The following TOGARAM2 variants were observed in gnomAD, a reference collection of about 807,000 sequenced individuals.
TOGARAM2 encodes TOG array regulator of axonemal microtubules 2.
In TOGARAM2, 85 loss-of-function variants were observed where a neutral mutation model predicts 93.3. That is an observed-to-expected ratio of 0.91 (90% CI 0.76 to 1.09). TOGARAM2 has a LOEUF of 1.09. Ranked by LOEUF, TOGARAM2 falls within the 50% of genes least tolerant of loss-of-function variation. TOGARAM2 has a pLI of 0.00. For missense variants in TOGARAM2, 1,277 were observed against 1,334.5 expected, an observed-to-expected ratio of 0.96 and a Z score of 0.67; for synonymous variants, 593 against 552.8, an observed-to-expected ratio of 1.07 and a Z score of -1.02.
intron 13 of TOGARAM2, among the ~76,000 whole-genome samples, 156 bp downstream of exon 13, chr2:29,024,530 A>C (rs112591017): frequency 0.045 from 6,906 of 152,100 alleles, 525 homozygotes; most frequent in African/African-American, 0.15. Flanking sequence ...ATGCTAGAGG[A>C]CAGGGTGATG....
At chr2:29,011,544 C>T in intron 7 of TOGARAM2, 43 bp downstream of exon 7, 5 of 1,562,836 alleles carry the variant, frequency 3.2e-6, no homozygotes, top group Non-Finnish European at 4.3e-6. Context: ...ATTTGACTCT[C>T]TACATTCCTG....
At chr2:28,957,659 T>G (rs2148209792) in intron 1 of TOGARAM2, among the ~76,000 whole-genome samples, 1 of 152,284 alleles carries the variant, frequency 6.6e-6, no homozygotes, top group East Asian at 1.9e-4. Flanking sequence ...TATCTGAACA[T>G]TCCAGTTTGG....
chr2:29,019,756 ATCC>A (rs1411454427), intron 10 of TOGARAM2, among the ~76,000 whole-genome samples: 4 of 152,132 alleles, frequency 2.6e-5, no homozygotes, highest in Non-Finnish European at 5.9e-5. Context: ...CTGTATTTGA[ATCC>A]TCCTCTTCTT....
intron 1 of TOGARAM2, among the ~76,000 whole-genome samples, chr2:28,990,182 A>G (rs1044194701): frequency 6.6e-6 from 1 of 152,192 alleles, no homozygotes; most frequent in Admixed American, 6.5e-5. Flanking sequence ...TGTTCTGTCC[A>G]GTCTAAACCC....
At chr2:28,987,898 C>G (rs1672540766) in intron 1 of TOGARAM2, among the ~76,000 whole-genome samples, 1 of 152,198 alleles carries the variant, frequency 6.6e-6, no homozygotes, top group Non-Finnish European at 1.5e-5. Flanking sequence ...AGTCAGGGGC[C>G]TGAGTGGCGG....
At chr2:28,958,261 G>T (rs556675212) in intron 1 of TOGARAM2, among the ~76,000 whole-genome samples, 1 of 151,722 alleles carries the variant, frequency 6.6e-6, no homozygotes, top group Non-Finnish European at 1.5e-5. Context: ...TTCTTTTCAG[G>T]TGTCTCCAAA....
chr2:28,973,475 C>T (rs1299162324), intron 1 of TOGARAM2, among the ~76,000 whole-genome samples: 2 of 85,076 alleles, frequency 2.4e-5, no homozygotes, highest in South Asian at 4.5e-4. Flanking sequence ...TCCTCCCTCC[C>T]TCCCTCCCTC....
In TOGARAM2 at chr2:28,998,401, A is replaced by C. The variant is rs1572660095; in HGVS notation, c.139+148A>C. The C allele has an allele frequency of 4.9e-6, 3 of 615,046 alleles. 1 individual carries two copies. The Middle Eastern group carries it at 8.1e-4, about 165-fold the overall frequency. 38.1% of individuals were successfully genotyped at this position (615,046 alleles called of 1,614,324 possible). On this transcript the variant is annotated intron_variant, in intron 3 of 19. Transcript: ENST00000379558. ...GCTGAAAATACCCTTTGATTCTTTC[A>C]AAGGCAGGTTCTTTTGATCCTGTGC... is the stretch of plus-strand genomic sequence containing the variant.
At chr2:28,991,341 A>AG (rs1249095218) in intron 1 of TOGARAM2, among the ~76,000 whole-genome samples, 1 of 151,834 alleles carries the variant, frequency 6.6e-6, no homozygotes, top group African/African-American at 2.4e-5. Context: ...GTGAGACGGG[A>AG]GGGGGGCCTA....
intron 1 of TOGARAM2, among the ~76,000 whole-genome samples, chr2:28,985,866 G>A (rs1034403604): frequency 2.8e-4 from 42 of 152,276 alleles, no homozygotes; most frequent in Admixed American, 2.7e-3. Flanking sequence ...CATTTTGGGA[G>A]GCTGAGGTGG....
chr2:29,005,243 CCATGTGTGTGAGTG>C (rs1229346598), intron 6 of TOGARAM2, among the ~76,000 whole-genome samples: 1 of 111,114 alleles, frequency 9.0e-6, no homozygotes, highest in Admixed American at 9.4e-5. Flanking sequence ...GTGTGTGGGA[CCATGTGTGTGAGTG>C]CATGTGTGTG....
In TOGARAM2 at chr2:29,005,408, T is replaced by TGCGC. The variant is rs1438725511; in HGVS notation, c.830+1727_830+1728insCGCG. ...TGGGTGCATGTATGTGGAGTGTGTG[T>TGCGC]GTGCGTGTGTGAGAGCATGCATGTG... is the stretch of plus-strand genomic sequence containing the variant. On this transcript the variant is annotated intron_variant, in intron 6 of 19. Coordinates refer to ENST00000379558, the MANE Select transcript of TOGARAM2 (RefSeq NM_199280.4). Among the ~76,000 whole-genome samples the TGCGC allele has an allele frequency of 4.8e-4, 22 of 45,838 alleles. No individual in the cohort carries two copies. In the South Asian group the frequency reaches 9.9e-3, roughly 21 times the overall value. 30.1% of individuals were successfully genotyped at this position (45,838 alleles called of 152,430 possible).
Position 28,999,212 on chromosome 2 carries a change from G to A in TOGARAM2, c.171G>A (p.Leu57=), listed in dbSNP as rs992467294. ...GSLQPEPRAL[L]NNEEPSQLLR... is the part of the protein sequence containing the mutation. ...TCCAGCCTGAGCCAAGAGCCCTGCT[G>A]AACAACGAGGAACCGTCACAGCTCC... Residue 57 remains leucine (L), a synonymous_variant, in exon 4 of 20, where the codon CTG becomes CTA. Coordinates refer to ENST00000379558, the MANE Select transcript of TOGARAM2 (RefSeq NM_199280.4). The A allele has an allele frequency of 1.7e-5, 27 of 1,613,578 alleles. No individual in the cohort carries two copies. The highest frequency in any genetic ancestry group is 2.3e-5 in the Non-Finnish European group (27 of 1,179,772).
intron 1 of TOGARAM2, among the ~76,000 whole-genome samples, chr2:28,989,332 T>C (rs544882647): frequency 6.6e-6 from 1 of 151,922 alleles, no homozygotes; most frequent in South Asian, 2.1e-4. Flanking sequence ...ATTACAGGTG[T>C]AAGCCGCCAT....
intron 1 of TOGARAM2, among the ~76,000 whole-genome samples, chr2:28,989,845 A>C (rs956261783): frequency 6.6e-6 from 1 of 152,278 alleles, no homozygotes; most frequent in Non-Finnish European, 1.5e-5. Flanking sequence ...GCTGGGGCTC[A>C]GAGAAGTTTA....
intron 7 of TOGARAM2, among the ~76,000 whole-genome samples, chr2:29,012,419 C>T (rs536250382): frequency 6.6e-6 from 1 of 152,332 alleles, no homozygotes; most frequent in African/African-American, 2.4e-5. Context: ...TGCTTCTCCC[C>T]TGCTCCCGGG....
Position 29,002,697 on chromosome 2 carries a change from C to T in TOGARAM2, c.589C>T (p.Leu197=). The change falls in exon 5 of 20, where the codon CTA becomes TTA. Residue 197 remains leucine (L), a synonymous_variant. Transcript: ENST00000379558. The part of the protein sequence containing the change: ...ASGVKEKGLD[L]PGSIPGPHEL... Reference sequence around the variant, plus strand: ...CGGAGTCAAAGAGAAGGGCCTGGACCTACCGGGGAGCATTCCGGGTCCTCA... The same window carrying T: ...CGGAGTCAAAGAGAAGGGCCTGGACTTACCGGGGAGCATTCCGGGTCCTCA... The T allele has an allele frequency of 6.2e-7, 1 of 1,614,022 alleles. No individual in the cohort carries two copies. Among genetic ancestry groups the T allele is most frequent in the Non-Finnish European group, 8.5e-7 (1 of 1,179,886 alleles).
intron 6 of TOGARAM2, among the ~76,000 whole-genome samples, chr2:29,006,026 A>T (rs12993251): frequency 6.7e-5 from 9 of 134,924 alleles, no homozygotes; most frequent in African/African-American, 2.3e-4. Flanking sequence ...GTGTGAGACC[A>T]TATGTATGTG....
intron 18 of TOGARAM2, among the ~76,000 whole-genome samples, chr2:29,040,993 A>G (rs1666400164): frequency 6.6e-6 from 1 of 151,358 alleles, no homozygotes; most frequent in Non-Finnish European, 1.5e-5. Flanking sequence ...ATCATAGCAT[A>G]AGCATTTGCA....
Sources: gnomAD v4.1 joint callset for allele counts (sites outside exome capture counted in the v4.1 genomes callset) on GRCh38, gnomAD v4.1.1 for gene constraint, MANE v1.5 for transcripts, NCBI Gene and HGNC (gene_info 2026-07-23, HGNC 2026-07-21) for gene names.